LRIG1: variants seen among roughly 807,000 people sequenced by gnomAD.
The protein encoded by LRIG1 is leucine rich repeats and immunoglobulin like domains 1, also known as leucine-rich repeats and immunoglobulin-like domains protein 1.
Under a neutral mutation model 99.2 loss-of-function variants are expected in LRIG1, and 48 were observed. The ratio of observed to expected loss-of-function variants is 0.48; its 90% CI spans 0.38 to 0.62. LRIG1 has a LOEUF of 0.62. Among genes scored for constraint, LRIG1 ranks in the 20% least tolerant of loss-of-function variants. The pLI is 0.00. For synonymous variants in LRIG1, 772 were observed against 596.1 expected (o/e 1.29, Z -4.30); for missense variants, 1,646 against 1,434.4 (o/e 1.15, Z -2.38).
chr3:66,432,181 G>C (rs547740247), intron 3 of LRIG1, among the ~76,000 whole-genome samples: 2 of 152,254 alleles, frequency 1.3e-5, no homozygotes, highest in East Asian at 3.9e-4. Context: ...CACAAAGGAG[G>C]GTTTTCCACA....
intron 3 of LRIG1, among the ~76,000 whole-genome samples, chr3:66,436,099 T>C (rs1703347837): frequency 1.3e-5 from 2 of 152,220 alleles, no homozygotes; most frequent in South Asian, 4.1e-4. Context: ...CTGGGACTCC[T>C]AGAGACAAGG....
At chr3:66,473,224 T>C (rs1700644044) in intron 1 of LRIG1, among the ~76,000 whole-genome samples, 1 of 152,184 alleles carries the variant, frequency 6.6e-6, no homozygotes, top group African/African-American at 2.4e-5. Flanking sequence ...GCTACTGGCA[T>C]CTCCTTCATT....
At chr3:66,383,450 T>A in intron 14 of LRIG1, 49 bp from the exon 15 acceptor site, 1 of 1,472,408 alleles carries the variant, frequency 6.8e-7, no homozygotes, top group East Asian at 2.3e-5. Context: ...CCTCCGTTGC[T>A]CTGGCTCTGC....
intron 1 of LRIG1, among the ~76,000 whole-genome samples, chr3:66,490,008 G>T (rs1050655449): frequency 3.3e-5 from 5 of 152,064 alleles, no homozygotes. Context: ...AAATAATAAG[G>T]TCAGCCAATC....
intron 2 of LRIG1, among the ~76,000 whole-genome samples, chr3:66,461,831 C>T (rs570544609): frequency 1.1e-3 from 160 of 152,308 alleles, no homozygotes; most frequent in African/African-American, 3.6e-3. Flanking sequence ...CTGCAAGGGA[C>T]AGCAAGCCTA....
intron 12 of LRIG1, among the ~76,000 whole-genome samples, chr3:66,393,548 G>A (rs567698002): frequency 2.7e-4 from 41 of 152,350 alleles, no homozygotes; most frequent in African/African-American, 9.1e-4. Flanking sequence ...ATGTAAAGCT[G>A]CAAGTGCAGA....
intron 1 of LRIG1, among the ~76,000 whole-genome samples, chr3:66,468,572 G>A (rs1450976754): frequency 6.6e-6 from 1 of 152,158 alleles, no homozygotes; most frequent in African/African-American, 2.4e-5. Context: ...TAATACAGCT[G>A]GAAAGTAAGT....
At chr3:66,467,924 G>A (rs1700512369) in intron 1 of LRIG1, among the ~76,000 whole-genome samples, 1 of 152,218 alleles carries the variant, frequency 6.6e-6, no homozygotes, top group African/African-American at 2.4e-5. Flanking sequence ...AAAAGGCTGT[G>A]GTGAGGGATG....
At chr3:66,425,312 G>A (rs1056409976) in intron 3 of LRIG1, among the ~76,000 whole-genome samples, 4 of 152,330 alleles carry the variant, frequency 2.6e-5, no homozygotes, top group African/African-American at 9.6e-5. Context: ...CCTGTTCTAC[G>A]TAGCTTGGCC....
At chr3:66,469,747 T>G (rs1700554340) in intron 1 of LRIG1, among the ~76,000 whole-genome samples, 1 of 152,132 alleles carries the variant, frequency 6.6e-6, no homozygotes, top group Non-Finnish European at 1.5e-5. Flanking sequence ...AGTCTGTGAC[T>G]TGAAGTGGTT....
At chr3:66,426,370 T>C (rs114442349) in intron 3 of LRIG1, among the ~76,000 whole-genome samples, 369 of 152,336 alleles carry the variant, frequency 2.4e-3, no homozygotes, top group African/African-American at 8.4e-3. Flanking sequence ...CCACTGTCTG[T>C]GGTGTGCTGA....
At chr3:66,480,293 G>A (rs1575724992) in intron 1 of LRIG1, among the ~76,000 whole-genome samples, 1 of 152,264 alleles carries the variant, frequency 6.6e-6, no homozygotes, top group South Asian at 2.1e-4. Flanking sequence ...TGTTGCCGGG[G>A]GATGGGAGGA....
At position 66,462,470 on chromosome 3, in the gene LRIG1, A is replaced by G. The variant is rs372237438; in HGVS notation, c.258T>C (p.Ala86=). ...SYNKLSEIDP[A]GFEDLPNLQE... is the part of the protein sequence containing the mutation. ...GTAGGTTCGGCAAGTCCTCAAAACC[A>G]GCAGGGTCAATCTCAGAGAGTTTGT... is the stretch of plus-strand genomic sequence containing the variant. The change falls in exon 2 of 19, where the codon GCT becomes GCC. Residue 86 remains alanine, a synonymous_variant. Transcript: ENST00000273261. The G allele has an allele frequency of 6.5e-4, 1,054 of 1,612,982 alleles. 19 individuals are homozygous for G. The South Asian group carries it at 0.011, about 17-fold the overall frequency.
intron 8 of LRIG1, 103 bp from the exon 9 acceptor site, chr3:66,405,381 T>C (rs1702229641): frequency 1.1e-6 from 1 of 896,982 alleles, no homozygotes; most frequent in East Asian, 2.6e-5. Flanking sequence ...CCTGGGTGCA[T>C]GCACCCTGGA....
chr3:66,379,409 G>C lies in LRIG1; in HGVS notation c.*854C>G, dbSNP rs781493945. The C allele has an allele frequency of 5.9e-5, 9 of 152,142 alleles. No homozygotes were observed. Among genetic ancestry groups the C allele is most frequent in the Non-Finnish European group, 1.3e-4 (9 of 68,036 alleles). The allele number at this position is 152,142 out of a possible 1,614,324, so 9.4% of individuals were successfully genotyped here. On this transcript the variant is annotated 3_prime_UTR_variant, in exon 19 of 19. Coordinates refer to ENST00000273261, the MANE Select transcript of LRIG1 (RefSeq NM_015541.3). ...AAACATCAGTATAGAAAAATCCACA[G>C]GTACCAACACCAGCAGCCTTTACCT...
intron 6 of LRIG1, 112 bp downstream of exon 6, chr3:66,412,759 A>T (rs1180833663): frequency 3.1e-6 from 4 of 1,292,662 alleles, no homozygotes; most frequent in Admixed American, 2.0e-5. Context: ...CACACCCAAC[A>T]CACAGCAACG....
At chr3:66,402,028 C>T (rs975536073) in intron 9 of LRIG1, among the ~76,000 whole-genome samples, 9 of 152,126 alleles carry the variant, frequency 5.9e-5, no homozygotes, top group Non-Finnish European at 1.0e-4. Flanking sequence ...GCCCGGCCCC[C>T]ACATAGGCAG....
In LRIG1 at chr3:66,383,141, G is replaced by C. The variant is rs1306733797; in HGVS notation, c.2332C>G (p.Leu778Val). ...CAGCCTGCTGCGGGCAGGACGCTCA[G>C]CTGGCTGTGAGCTCGCTCCGTGCCC... The part of the protein sequence containing the change: ...TLGTERAHSQ[L>V]SVLPAAGCRK... The change falls in exon 15 of 19, where the codon CTG (leucine) becomes GTG (valine). Residue 778 changes from leucine (L) to valine (V), a missense_variant. Transcript: ENST00000273261. 35 of 1,614,148 alleles carry C rather than the reference G, an allele frequency of 2.2e-5. No individual in the cohort carries two copies. The highest frequency in any genetic ancestry group is 2.7e-5 in the African/African-American group (2 of 74,954).
At chr3:66,454,616 A>G (rs1197693900) in intron 2 of LRIG1, among the ~76,000 whole-genome samples, 1 of 152,110 alleles carries the variant, frequency 6.6e-6, no homozygotes, top group Non-Finnish European at 1.5e-5. Flanking sequence ...TTTTCTGATG[A>G]TTCAGGATTA....
Sources: gnomAD v4.1 joint callset for allele counts (sites outside exome capture counted in the v4.1 genomes callset) on GRCh38, gnomAD v4.1.1 for gene constraint, MANE v1.5 for transcripts, NCBI Gene and HGNC (gene_info 2026-07-23, HGNC 2026-07-21) for gene names.